APBA1: variants seen among roughly 807,000 people sequenced by gnomAD.
APBA1 encodes the protein amyloid beta precursor protein binding family A member 1.
A neutral mutation model predicts 86.6 loss-of-function variants in APBA1; 55 were observed. The ratio of observed to expected loss-of-function variants is 0.64; its 90% CI spans 0.51 to 0.80. APBA1 has a LOEUF of 0.80. Among genes scored for constraint, APBA1 ranks in the 30% least tolerant of loss-of-function variants. APBA1 has a pLI of 0.00. For missense variants in APBA1, 1,090 were observed against 1,183.0 expected (o/e 0.92, Z 1.15); for synonymous variants, 511 against 493.9 (o/e 1.03, Z -0.46).
At chr9:69,606,841 T>C (rs1338516164) in intron 1 of APBA1, among the ~76,000 whole-genome samples, 1 of 152,090 alleles carries the variant, frequency 6.6e-6, no homozygotes, top group Non-Finnish European at 1.5e-5. Flanking sequence ...CTGTATACTA[T>C]TCTCAGGCCA....
intron 10 of APBA1, among the ~76,000 whole-genome samples, chr9:69,445,884 C>T (rs1834898975): frequency 6.6e-6 from 1 of 152,116 alleles, no homozygotes; most frequent in South Asian, 2.1e-4. Context: ...TGATGCCATC[C>T]CCGCCGCAAA....
At chr9:69,646,189 C>A (rs2134012060) in intron 1 of APBA1, among the ~76,000 whole-genome samples, 1 of 152,184 alleles carries the variant, frequency 6.6e-6, no homozygotes, top group East Asian at 1.9e-4. Flanking sequence ...AGTAAATATG[C>A]TGTATTTGTT....
At chr9:69,514,461 C>T (rs535671821) in intron 2 of APBA1, among the ~76,000 whole-genome samples, 3 of 152,228 alleles carry the variant, frequency 2.0e-5, no homozygotes, top group South Asian at 2.1e-4. Flanking sequence ...ATAGTGGATG[C>T]GCCTGTCATC....
intron 1 of APBA1, among the ~76,000 whole-genome samples, chr9:69,544,557 A>C (rs936937450): frequency 1.3e-5 from 2 of 152,206 alleles, no homozygotes; most frequent in African/African-American, 4.8e-5. Flanking sequence ...CTCACTACTC[A>C]TACAGACTTT....
At chr9:69,504,718 T>C (rs777129025) in intron 2 of APBA1, among the ~76,000 whole-genome samples, 1 of 151,992 alleles carries the variant, frequency 6.6e-6, no homozygotes, top group African/African-American at 2.4e-5. Context: ...TGTAAGGTAT[T>C]CTCCGGGTCT....
chr9:69,439,305 C>T (rs1476273251), intron 11 of APBA1, among the ~76,000 whole-genome samples: 1 of 146,396 alleles, frequency 6.8e-6, no homozygotes, highest in African/African-American at 2.6e-5. Flanking sequence ...TCTGTATTTC[C>T]TGAATTTGAA....
chr9:69,510,949 G>T (rs1428531948), intron 2 of APBA1, among the ~76,000 whole-genome samples: 1 of 147,102 alleles, frequency 6.8e-6, no homozygotes, highest in Non-Finnish European at 1.5e-5. Flanking sequence ...TTAAACGTTA[G>T]ACCTAAAACC....
chr9:69,543,947 G>A (rs76464672), intron 1 of APBA1, among the ~76,000 whole-genome samples: 1,771 of 152,256 alleles, frequency 0.012, 5 homozygotes, highest in Non-Finnish European at 0.02. Context: ...CAAATAATTT[G>A]ACATAAATTG....
chr9:69,584,073 C>T (rs1821970578), intron 1 of APBA1, among the ~76,000 whole-genome samples: 2 of 152,236 alleles, frequency 1.3e-5, no homozygotes, highest in Non-Finnish European at 2.9e-5. Flanking sequence ...AGCCACACTC[C>T]CTTCTTGTGT....
chr9:69,564,876 T>C (rs1456749778), intron 1 of APBA1, among the ~76,000 whole-genome samples: 1 of 152,242 alleles, frequency 6.6e-6, no homozygotes, highest in African/African-American at 2.4e-5. Flanking sequence ...ATCAGTGCTC[T>C]TAGCAGCATT....
At chr9:69,459,306 A>G (rs757118838) in intron 5 of APBA1, among the ~76,000 whole-genome samples, 12 of 152,242 alleles carry the variant, frequency 7.9e-5, no homozygotes, top group Non-Finnish European at 1.8e-4. Context: ...AATTAGGTCA[A>G]TTAAGGTGGT....
intron 1 of APBA1, among the ~76,000 whole-genome samples, chr9:69,651,394 GTAGTT>G (rs1327561243): frequency 6.6e-6 from 1 of 152,054 alleles, no homozygotes; most frequent in African/African-American, 2.4e-5. Context: ...AAAGATTTGT[GTAGTT>G]TATACACTTT....
At chr9:69,661,899 G>GCTGC (rs1452425668) in intron 1 of APBA1, among the ~76,000 whole-genome samples, 2 of 151,906 alleles carry the variant, frequency 1.3e-5, no homozygotes, top group African/African-American at 2.4e-5. Context: ...ACCAGATGCA[G>GCTGC]CTGCCTGGTC....
At chr9:69,454,764 G>A (rs1835067391) in intron 8 of APBA1, among the ~76,000 whole-genome samples, 1 of 152,104 alleles carries the variant, frequency 6.6e-6, no homozygotes, top group Admixed American at 6.5e-5. Flanking sequence ...GGCCTACAGG[G>A]ATCCTCGATC....
rs1554691982 is a variant in APBA1 at position 69,483,152 on chromosome 9, C to CAAAAAAA, written c.1201-7010_1201-7009insTTTTTTT. Among the ~76,000 whole-genome samples the CAAAAAAA allele has an allele frequency of 3.7e-5, 5 of 133,850 alleles. No individual in the cohort carries two copies. The East Asian group carries it at 6.5e-4, about 17-fold the overall frequency. The allele number at this position is 133,850 out of a possible 152,430, so 87.8% of individuals were successfully genotyped here. A position where few individuals can be genotyped will look rare whatever the true frequency, so the allele number is the denominator to read the frequency against. ...AAATTAAGTCAAAAAAACAAAAAAA[C>CAAAAAAA]GAAACAAAAAAAAAAAAAAAGAATT... On this transcript the variant is annotated intron_variant, in intron 2 of 12. Transcript: ENST00000265381.
intron 2 of APBA1, among the ~76,000 whole-genome samples, chr9:69,481,474 T>G (rs1402622085): frequency 2.6e-5 from 4 of 151,712 alleles, no homozygotes; most frequent in Non-Finnish European, 4.4e-5. Context: ...TAAAAGAGGA[T>G]ACAAACAAAT....
intron 1 of APBA1, among the ~76,000 whole-genome samples, chr9:69,598,755 C>T (rs529070227): frequency 6.6e-6 from 1 of 152,268 alleles, no homozygotes; most frequent in South Asian, 2.1e-4. Context: ...AAAAGGTATC[C>T]AGACTAGCCT....
intron 10 of APBA1, among the ~76,000 whole-genome samples, chr9:69,447,140 C>G (rs1834923719): frequency 6.6e-6 from 1 of 152,154 alleles, no homozygotes; most frequent in Admixed American, 6.5e-5. Flanking sequence ...GGGCACTAAT[C>G]CCAACCATGA....
intron 10 of APBA1, among the ~76,000 whole-genome samples, chr9:69,448,569 C>T (rs534438529): frequency 1.3e-5 from 2 of 152,212 alleles, no homozygotes; most frequent in East Asian, 1.9e-4. Context: ...GTCCTATACA[C>T]TCACCTTCAC....
Sources: allele counts gnomAD v4.1 joint callset (sites outside exome capture counted in the v4.1 genomes callset), GRCh38; gene constraint gnomAD v4.1.1; transcripts MANE v1.5; gene names NCBI Gene and HGNC (gene_info 2026-07-23, HGNC 2026-07-21).